The following DEK variants were observed in gnomAD, a reference collection of about 807,000 sequenced individuals.
DEK encodes DEK proto-oncogene.
Under a neutral mutation model 46.8 loss-of-function variants are expected in DEK, and 28 were observed. That is an observed-to-expected ratio of 0.60 (90% CI 0.44 to 0.82). The LOEUF (loss-of-function observed/expected upper bound fraction) is 0.82, where lower values mean the gene tolerates loss of function less well. Among genes scored for constraint, DEK ranks in the 40% least tolerant of loss-of-function variants. The pLI is 0.00. For missense variants in DEK, 416 were observed against 430.6 expected (o/e 0.97, Z 0.30); for synonymous variants, 160 against 144.5 (o/e 1.11, Z -0.77).
chr6:18,245,849 G>A (rs1158631189), intron 7 of DEK, among the ~76,000 whole-genome samples: 1 of 152,276 alleles, frequency 6.6e-6, no homozygotes, highest in Non-Finnish European at 1.5e-5. Flanking sequence ...GAGGGACCCA[G>A]TGGGAGGTAA....
chr6:18,235,648 C>T (rs1209950913), intron 9 of DEK, among the ~76,000 whole-genome samples: 2 of 152,168 alleles, frequency 1.3e-5, no homozygotes, highest in Non-Finnish European at 2.9e-5. Flanking sequence ...CCACCTGTAA[C>T]ATTAAAAAAA....
intron 9 of DEK, among the ~76,000 whole-genome samples, chr6:18,233,071 G>A (rs1790480750): frequency 6.6e-6 from 1 of 151,318 alleles, no homozygotes; most frequent in African/African-American, 2.4e-5. Context: ...TATGATCTTT[G>A]ACAAACCTGA....
intron 7 of DEK, among the ~76,000 whole-genome samples, chr6:18,246,010 C>T (rs1393539635): frequency 2.0e-5 from 3 of 152,080 alleles, no homozygotes; most frequent in Non-Finnish European, 2.9e-5. Context: ...ATTCGCCTTC[C>T]ACCATGATTG....
intron 6 of DEK, among the ~76,000 whole-genome samples, chr6:18,252,829 T>C (rs773403995): frequency 5.9e-5 from 9 of 152,214 alleles, no homozygotes; most frequent in Non-Finnish European, 1.2e-4. Flanking sequence ...TTAGTACTAA[T>C]CAAGGAAGCA....
intron 9 of DEK, among the ~76,000 whole-genome samples, chr6:18,227,282 A>T (rs1362614959): frequency 6.6e-6 from 1 of 152,092 alleles, no homozygotes; most frequent in Non-Finnish European, 1.5e-5. Flanking sequence ...ATAAAACCCG[A>T]TTGTACGTTC....
At chr6:18,229,887 A>C (rs539525319) in intron 9 of DEK, among the ~76,000 whole-genome samples, 64 of 152,072 alleles carry the variant, frequency 4.2e-4, no homozygotes, top group African/African-American at 1.5e-3. Flanking sequence ...ACACCACAAA[A>C]ATACTCCTCG....
chr6:18,237,149 C>G, intron 8 of DEK: 1 of 393,826 alleles, frequency 2.5e-6, no homozygotes, highest in Non-Finnish European at 4.4e-6. Context: ...TAGACTGGGT[C>G]CCATCCCCAA....
chr6:18,255,697 C>T (rs1791566927), intron 6 of DEK, 34 bp downstream of exon 6: 1 of 1,577,886 alleles, frequency 6.3e-7, no homozygotes. Context: ...CTATGAATAA[C>T]TGATTTATGA....
At chr6:18,242,754 A>T (rs1790946282) in intron 7 of DEK, among the ~76,000 whole-genome samples, 1 of 152,222 alleles carries the variant, frequency 6.6e-6, no homozygotes, top group Admixed American at 6.5e-5. Flanking sequence ...CAATTCAAAC[A>T]TGCCAAAGAG....
At chr6:18,234,276 A>G (rs1011627827) in intron 9 of DEK, among the ~76,000 whole-genome samples, 1 of 104,302 alleles carries the variant, frequency 9.6e-6, no homozygotes, top group Non-Finnish European at 1.8e-5. Context: ...AACATGGCAC[A>G]TGGATATATA....
intron 4 of DEK, 84 bp from the exon 5 acceptor site, chr6:18,256,539 T>A (rs1051287662): frequency 5.2e-6 from 6 of 1,145,312 alleles, no homozygotes. Context: ...AAAGTCAACA[T>A]CTTTATTTTC....
intron 9 of DEK, among the ~76,000 whole-genome samples, chr6:18,229,045 G>A (rs903004866): frequency 6.6e-6 from 1 of 152,224 alleles, no homozygotes; most frequent in Non-Finnish European, 1.5e-5. Flanking sequence ...GCCACTCTGA[G>A]ACGAAGCTTC....
In DEK at chr6:18,228,760, G is replaced by A. The variant is rs572685984; in HGVS notation, c.1048-2518C>T. The stretch of plus-strand genomic sequence containing the variant: ...CTGGCTCGGAGAGTCCCACGCCCAC[G>A]GAGCCTCGCTCATTGCTAGCACGGC... On this transcript the variant is annotated intron_variant, in intron 9 of 10. Coordinates refer to ENST00000652689, the MANE Select transcript of DEK (RefSeq NM_003472.4). Among the ~76,000 whole-genome samples, 6 of 152,322 alleles carry A rather than the reference G, an allele frequency of 3.9e-5. No individual in the cohort carries two copies. In the East Asian group the frequency reaches 5.8e-4, roughly 15 times the overall value.
intron 2 of DEK, among the ~76,000 whole-genome samples, chr6:18,263,186 G>A (rs113281552): frequency 3.3e-5 from 5 of 152,192 alleles, no homozygotes; most frequent in African/African-American, 1.2e-4. Flanking sequence ...AGTCAAATCA[G>A]GGCTCATATC....
intron 9 of DEK, among the ~76,000 whole-genome samples, chr6:18,229,786 C>A (rs909111092): frequency 6.6e-6 from 1 of 152,174 alleles, no homozygotes; most frequent in African/African-American, 2.4e-5. Context: ...AGAATGGAAC[C>A]AAGTTGGAAA....
chr6:18,261,042 G>A (rs1244694788), intron 2 of DEK, among the ~76,000 whole-genome samples: 1 of 151,770 alleles, frequency 6.6e-6, no homozygotes, highest in Non-Finnish European at 1.5e-5. Context: ...GAGTGGAAAG[G>A]GGAAATGGGG....
At chr6:18,254,111 A>G (rs1791505911) in intron 6 of DEK, among the ~76,000 whole-genome samples, 1 of 152,144 alleles carries the variant, frequency 6.6e-6, no homozygotes, top group Admixed American at 6.5e-5. Flanking sequence ...CGGTCAGATC[A>G]CCTGAGGTCA....
At chr6:18,246,721 C>A (rs139351683) in intron 7 of DEK, among the ~76,000 whole-genome samples, 2 of 152,226 alleles carry the variant, frequency 1.3e-5, no homozygotes, top group South Asian at 4.1e-4. Flanking sequence ...TAAACTTACT[C>A]GGCTTGCATA....
At chr6:18,235,328 C>T (rs979717161) in intron 9 of DEK, among the ~76,000 whole-genome samples, 1 of 152,156 alleles carries the variant, frequency 6.6e-6, no homozygotes, top group African/African-American at 2.4e-5. Context: ...GGACTTCTTT[C>T]CAATCCTAGT....
Sources: gnomAD v4.1 joint callset for allele counts (sites outside exome capture counted in the v4.1 genomes callset) on GRCh38, gnomAD v4.1.1 for gene constraint, MANE v1.5 for transcripts, NCBI Gene and HGNC (gene_info 2026-07-23, HGNC 2026-07-21) for gene names.